Variants in ANKRD10 observed in about 807,000 individuals in gnomAD.
The protein encoded by ANKRD10 is ankyrin repeat domain-containing protein 10.
A neutral mutation model predicts 27.0 loss-of-function variants in ANKRD10; 14 were observed. The ratio of observed to expected loss-of-function variants is 0.52; its 90% confidence interval spans 0.34 to 0.81. The LOEUF is 0.81. Among genes scored for constraint, ANKRD10 ranks in the 40% least tolerant of loss-of-function variants. ANKRD10 has a pLI of 0.01. For missense variants in ANKRD10, 493 were observed against 544.0 expected (o/e 0.91, Z 0.93); for synonymous variants, 250 against 224.5 (o/e 1.11, Z -1.01).
At chr13:110,903,675 T>C (rs1037701453) in intron 3 of ANKRD10, 1 of 152,596 alleles carries the variant, frequency 6.6e-6, no homozygotes, top group African/African-American at 2.4e-5. Context: ...AGCAGATATA[T>C]AAAAAGCAAA....
At chr13:110,882,904 T>C (rs944186859) in intron 5 of ANKRD10, among the ~76,000 whole-genome samples, 2 of 152,206 alleles carry the variant, frequency 1.3e-5, no homozygotes, top group Non-Finnish European at 1.5e-5. Flanking sequence ...CTTCTAAATA[T>C]TCATACATGT....
chr13:110,913,826 A>C (rs2065793468), intron 1 of ANKRD10, among the ~76,000 whole-genome samples: 3 of 152,232 alleles, frequency 2.0e-5, no homozygotes, highest in Non-Finnish European at 4.4e-5. Flanking sequence ...GTCACTTCTG[A>C]AATGCACGGT....
chr13:110,883,583 G>A (rs2138820837), intron 5 of ANKRD10, 115 bp downstream of exon 5: 3 of 1,481,660 alleles, frequency 2.0e-6, no homozygotes, highest in South Asian at 1.5e-5. Context: ...GGTCTGCATT[G>A]CTGACACAGT....
chr13:110,914,267 C>T (rs185116464), intron 1 of ANKRD10, among the ~76,000 whole-genome samples: 2,737 of 152,286 alleles, frequency 0.018, 66 homozygotes, highest in Admixed American at 0.061. Context: ...CCGCGCGCCT[C>T]TGACCCCAGC....
chr13:110,887,032 G>C (rs763639002), intron 4 of ANKRD10, among the ~76,000 whole-genome samples: 2 of 152,252 alleles, frequency 1.3e-5, no homozygotes, highest in African/African-American at 2.4e-5. Flanking sequence ...CCTGCTCAGA[G>C]ATACAGCCAC....
intron 4 of ANKRD10, among the ~76,000 whole-genome samples, chr13:110,886,967 G>A (rs2064947534): frequency 6.6e-6 from 1 of 152,170 alleles, no homozygotes; most frequent in African/African-American, 2.4e-5. Context: ...GTACACCTGA[G>A]ACACAACGTT....
chr13:110,914,911 C>G lies in ANKRD10; in HGVS notation c.24G>C (p.Ala8=). MSAAGAG[A]GVEAGFSSEE... is the part of the protein sequence containing the mutation. ...CGCTGGAGAAGCCCGCCTCTACGCC[C>G]GCGCCCGCTCCCGCCGCCGACATGG... The change falls in exon 1 of 6, where the codon GCG becomes GCC. Residue 8 remains alanine, a synonymous_variant. Coordinates refer to ENST00000267339, the MANE Select transcript of ANKRD10 (RefSeq NM_017664.4). 2 of 1,535,962 alleles carry G rather than the reference C, an allele frequency of 1.3e-6. No homozygotes were observed. Among genetic ancestry groups the G allele is most frequent in the Non-Finnish European group, 1.7e-6 (2 of 1,145,376 alleles).
intron 4 of ANKRD10, among the ~76,000 whole-genome samples, chr13:110,892,416 C>CAAAA (rs71127979): frequency 0.21 from 3,993 of 19,452 alleles, 979 homozygotes; most frequent in South Asian, 0.32. Context: ...GGTGACAGAG[C>CAAAA]AAAAAAAAAA....
At chr13:110,892,935 G>A (rs2065121950) in intron 4 of ANKRD10, 93 bp downstream of exon 4, 1 of 1,520,694 alleles carries the variant, frequency 6.6e-7, no homozygotes, top group Admixed American at 2.1e-5. Context: ...TGAAGTGAAG[G>A]TCTCATCTCG....
At chr13:110,911,482 T>C (rs1256132393) in intron 1 of ANKRD10, among the ~76,000 whole-genome samples, 1 of 125,776 alleles carries the variant, frequency 8.0e-6, no homozygotes, top group Non-Finnish European at 1.7e-5. Flanking sequence ...CCACTTTGTG[T>C]AATGCCAGGC....
At chr13:110,881,851 T>TAC in intron 5 of ANKRD10, among the ~76,000 whole-genome samples, 1 of 152,204 alleles carries the variant, frequency 6.6e-6, no homozygotes, top group Non-Finnish European at 1.5e-5. Context: ...CTCATGTTGT[T>TAC]ACAGAGAATC....
At chr13:110,881,417 G>A (rs1392160493) in intron 5 of ANKRD10, among the ~76,000 whole-genome samples, 1 of 152,046 alleles carries the variant, frequency 6.6e-6, no homozygotes, top group African/African-American at 2.4e-5. Context: ...AAAGGATCAC[G>A]GCTTCTTCAG....
In ANKRD10 at chr13:110,894,040, T is replaced by C. The variant is rs1408382924; in HGVS notation, c.456-777A>G. 2.6e-6 allele frequency: 3 copies of C among 1,152,862 alleles called. No individual in the cohort carries two copies. In the South Asian group the frequency reaches 3.8e-5, roughly 15 times the overall value. 71.4% of individuals were successfully genotyped at this position (1,152,862 alleles called of 1,614,324 possible). ...ACCTCTACAGTAGCTAAAACTCAGATTCAAGTAGGAAGTGATGGCAGAGTA... is the reference window on the plus strand; with the variant it reads ...ACCTCTACAGTAGCTAAAACTCAGACTCAAGTAGGAAGTGATGGCAGAGTA... On this transcript the variant is annotated intron_variant, in intron 3 of 5. Transcript: ENST00000267339.
Position 110,879,587 on chromosome 13 carries a change from G to T in ANKRD10, c.*50C>A. On this transcript the variant is annotated 3_prime_UTR_variant, in exon 6 of 6. Coordinates refer to ENST00000267339, the MANE Select transcript of ANKRD10 (RefSeq NM_017664.4). ...AGTTGCTGCTACATGGGTATTCTGA[G>T]CTGGCTACCAGGAAGGACTCCTGCG... 1 of 1,430,496 alleles carries T rather than the reference G, an allele frequency of 7.0e-7. No homozygotes were observed. The highest frequency in any genetic ancestry group is 9.7e-7 in the Non-Finnish European group (1 of 1,029,254). The allele number at this position is 1,430,496 out of a possible 1,614,324, so 88.6% of individuals were successfully genotyped here.
chr13:110,904,532 T>G (rs1318686811), intron 3 of ANKRD10, among the ~76,000 whole-genome samples: 1 of 152,238 alleles, frequency 6.6e-6, no homozygotes, highest in Non-Finnish European at 1.5e-5. Context: ...AAATATCAAC[T>G]TCTAATTATC....
intron 4 of ANKRD10, among the ~76,000 whole-genome samples, chr13:110,892,069 C>A (rs2065089252): frequency 6.6e-6 from 1 of 151,082 alleles, no homozygotes; most frequent in African/African-American, 2.4e-5. Flanking sequence ...GAGATGTTTT[C>A]AACTTCAAGA....
At chr13:110,913,633 G>C (rs2065786774) in intron 1 of ANKRD10, among the ~76,000 whole-genome samples, 1 of 152,166 alleles carries the variant, frequency 6.6e-6, no homozygotes, top group Non-Finnish European at 1.5e-5. Flanking sequence ...GGGGCAGCAA[G>C]GTAAACCGCA....
chr13:110,889,823 C>T (rs1439089624), intron 4 of ANKRD10, among the ~76,000 whole-genome samples: 3 of 152,128 alleles, frequency 2.0e-5, no homozygotes, highest in African/African-American at 7.2e-5. Context: ...ACACTAAAAG[C>T]ATCAATATTT....
intron 3 of ANKRD10, among the ~76,000 whole-genome samples, chr13:110,899,784 A>G (rs761100266): frequency 6.6e-6 from 1 of 151,872 alleles, no homozygotes; most frequent in Non-Finnish European, 1.5e-5. Flanking sequence ...GGTACAACAC[A>G]GAATCATCTT....
Sources: gnomAD v4.1 joint callset for allele counts (sites outside exome capture counted in the v4.1 genomes callset) on GRCh38, gnomAD v4.1.1 for gene constraint, MANE v1.5 for transcripts, NCBI Gene and HGNC (gene_info 2026-07-23, HGNC 2026-07-21) for gene names.